The following TENM2 variants were observed in gnomAD, a reference collection of about 807,000 sequenced individuals.
TENM2 encodes the protein teneurin transmembrane protein 2.
TENM2 carries 52 observed loss-of-function variants against 245.2 expected under a neutral mutation model. The ratio of observed to expected loss-of-function variants is 0.21; its 90% CI spans 0.17 to 0.27. The LOEUF (loss-of-function observed/expected upper bound fraction) is 0.27. Ranked by LOEUF, TENM2 falls within the 10% of genes least tolerant of loss-of-function variation. TENM2 has a pLI of 1.00. For synonymous variants in TENM2, 1,363 were observed against 1,438.9 expected, an observed-to-expected ratio of 0.95 and a Z score of 1.19; for missense variants, 3,046 against 3,666.8, an observed-to-expected ratio of 0.83 and a Z score of 4.37.
chr5:167,497,224 C>T (rs762314304), intron 2 of TENM2, among the ~76,000 whole-genome samples: 4 of 151,964 alleles, frequency 2.6e-5, no homozygotes, highest in Non-Finnish European at 5.9e-5. Context: ...AGAATGCTAC[C>T]TGCTCCTCAC....
intron 1 of TENM2, among the ~76,000 whole-genome samples, chr5:167,370,550 T>A (rs1218202271): frequency 6.6e-6 from 1 of 152,208 alleles, no homozygotes; most frequent in Non-Finnish European, 1.5e-5. Context: ...TTGCTTTATG[T>A]AAATATTATA....
chr5:167,968,018 A>G lies in TENM2; in HGVS notation c.947+15196A>G, dbSNP rs548573720. On this transcript the variant is annotated intron_variant, in intron 4 of 28. Transcript: ENST00000518659. ...CCAGGCAGGGGAAGTAGGTCCTGCA[A>G]CTTTTCTGAAGGCACCTTTGATTTA... is the stretch of plus-strand genomic sequence containing the variant. Among the ~76,000 whole-genome samples the G allele has an allele frequency of 8.6e-4, 131 of 152,292 alleles. 1 individual carries two copies. The highest frequency in any genetic ancestry group is 3.0e-3 in the African/African-American group (123 of 41,560).
the TENM2 span, among the ~76,000 whole-genome samples, chr5:166,985,707 G>A: frequency 6.6e-6 from 1 of 152,074 alleles, no homozygotes; most frequent in African/African-American, 2.4e-5. Context: ...GCCACAGAGA[G>A]GGCTGTGGAT....
At chr5:168,253,602 T>A (rs945991907) in intron 27 of TENM2, among the ~76,000 whole-genome samples, 1 of 151,792 alleles carries the variant, frequency 6.6e-6, no homozygotes. Flanking sequence ...ATTGTTTGTA[T>A]TTTTAGTAGA....
At chr5:167,450,262 G>C (rs539492266) in intron 2 of TENM2, among the ~76,000 whole-genome samples, 49 of 152,128 alleles carry the variant, frequency 3.2e-4, no homozygotes, top group Non-Finnish European at 5.7e-4. Context: ...ATTGTTCCCT[G>C]GATTTTCATA....
chr5:167,148,568 A>G, the TENM2 span, among the ~76,000 whole-genome samples: 1 of 152,186 alleles, frequency 6.6e-6, no homozygotes, highest in Admixed American at 6.5e-5. Context: ...AAACATCTGT[A>G]GTTTTTAGTT....
At chr5:167,273,312 C>T in the TENM2 span, among the ~76,000 whole-genome samples, 17,054 of 152,088 alleles carry the variant, frequency 0.11, 1,117 homozygotes, top group East Asian at 0.18. Flanking sequence ...TATTGCCATC[C>T]GGTGATGGCC....
At chr5:168,057,393 G>A (rs922367339) in intron 6 of TENM2, among the ~76,000 whole-genome samples, 3 of 151,792 alleles carry the variant, frequency 2.0e-5, no homozygotes, top group Non-Finnish European at 4.4e-5. Context: ...GACCCACTCT[G>A]AGACCACAAT....
the TENM2 span, among the ~76,000 whole-genome samples, chr5:167,118,874 C>CA: frequency 2.6e-5 from 4 of 152,270 alleles, no homozygotes; most frequent in African/African-American, 9.6e-5. Context: ...AGAAGGACTT[C>CA]AGGAAATGGT....
intron 2 of TENM2, among the ~76,000 whole-genome samples, chr5:167,504,603 A>C (rs560885815): frequency 2.3e-4 from 35 of 152,272 alleles, no homozygotes; most frequent in Middle Eastern, 3.4e-3. Context: ...AACCACTGGG[A>C]GGTGGAAGAC....
At chr5:167,159,586 C>T in the TENM2 span, among the ~76,000 whole-genome samples, 1 of 152,106 alleles carries the variant, frequency 6.6e-6, no homozygotes, top group African/African-American at 2.4e-5. Flanking sequence ...ATGATAAATA[C>T]ATACTATTTT....
chr5:167,867,823 C>A (rs1366548513), intron 2 of TENM2, among the ~76,000 whole-genome samples: 1 of 152,160 alleles, frequency 6.6e-6, no homozygotes, highest in Non-Finnish European at 1.5e-5. Context: ...TCAAACAGAT[C>A]TCTCTCGCCT....
the TENM2 span, among the ~76,000 whole-genome samples, chr5:166,997,029 C>A: frequency 2.0e-5 from 3 of 152,144 alleles, no homozygotes; most frequent in African/African-American, 7.2e-5. Flanking sequence ...TTCCCCCTTA[C>A]CTATGGTGTA....
chr5:167,379,297 C>G (rs74719344), intron 2 of TENM2, among the ~76,000 whole-genome samples: 1 of 152,252 alleles, frequency 6.6e-6, no homozygotes, highest in African/African-American at 2.4e-5. Flanking sequence ...TGTAGCGTAT[C>G]TGTCTCCTCG....
At chr5:167,485,862 A>C (rs1399294496) in intron 2 of TENM2, among the ~76,000 whole-genome samples, 3 of 152,136 alleles carry the variant, frequency 2.0e-5, no homozygotes, top group Non-Finnish European at 4.4e-5. Context: ...AAGTATTGTC[A>C]CTGAAAACCT....
chr5:168,158,050 G>A (rs541608712), intron 12 of TENM2, among the ~76,000 whole-genome samples: 18 of 152,298 alleles, frequency 1.2e-4, no homozygotes, highest in African/African-American at 4.3e-4. Flanking sequence ...AGCCTCCTGA[G>A]AAGCTGGGAT....
chr5:167,835,645 G>A (rs879904003), intron 2 of TENM2, among the ~76,000 whole-genome samples: 1 of 152,000 alleles, frequency 6.6e-6, no homozygotes, highest in African/African-American at 2.4e-5. Flanking sequence ...TTGCCTGAGA[G>A]TAGAATTGTA....
chr5:167,975,127 A>G (rs892518568), intron 4 of TENM2, among the ~76,000 whole-genome samples: 39 of 152,336 alleles, frequency 2.6e-4, no homozygotes, highest in African/African-American at 8.9e-4. Context: ...CTGTCAGGCA[A>G]ATTTCAATTT....
At chr5:167,512,342 A>C (rs1399350250) in intron 2 of TENM2, among the ~76,000 whole-genome samples, 1 of 152,164 alleles carries the variant, frequency 6.6e-6, no homozygotes, top group African/African-American at 2.4e-5. Context: ...TTAATGGGTA[A>C]CTCTGATTCT....
Sources: gnomAD v4.1 joint callset for allele counts (sites outside exome capture counted in the v4.1 genomes callset) on GRCh38, gnomAD v4.1.1 for gene constraint, MANE v1.5 for transcripts, NCBI Gene and HGNC (gene_info 2026-07-23, HGNC 2026-07-21) for gene names.